The following NAALAD2 variants were observed in gnomAD, a reference collection of about 807,000 sequenced individuals.
NAALAD2 encodes the protein N-acetylated alpha-linked acidic dipeptidase 2, also known as N-acetylated-alpha-linked acidic dipeptidase 2.
In NAALAD2, 89 loss-of-function variants were observed where a neutral mutation model predicts 95.6. The ratio of observed to expected loss-of-function variants is 0.93; its 90% CI spans 0.78 to 1.11. NAALAD2 has a LOEUF of 1.11. NAALAD2 is among the 50% of genes least tolerant of loss of function. NAALAD2 has a pLI of 0.00. For missense variants in NAALAD2, 894 were observed against 872.4 expected (o/e 1.02, Z -0.31); for synonymous variants, 264 against 294.4 (o/e 0.90, Z 1.06).
At chr11:90,135,858 C>A (rs888021525) in intron 2 of NAALAD2, among the ~76,000 whole-genome samples, 188 bp downstream of exon 2, 2 of 151,206 alleles carry the variant, frequency 1.3e-5, no homozygotes, top group Non-Finnish European at 2.9e-5. Flanking sequence ...GGTCTTTCTT[C>A]CCTAACTTTA....
chr11:90,165,591 C>T (rs982989606), intron 11 of NAALAD2, among the ~76,000 whole-genome samples: 2 of 152,194 alleles, frequency 1.3e-5, no homozygotes. Flanking sequence ...AAAAATCCCA[C>T]TCACAATTAC....
rs935992782 is a variant in NAALAD2, at chr11:90,175,901, A to G, written c.1503-71A>G. The G allele has an allele frequency of 2.1e-5, 19 of 901,842 alleles. No individual in the cohort carries two copies. The African/African-American group carries it at 2.7e-4, about 13-fold the overall frequency. 55.9% of individuals were successfully genotyped at this position (901,842 alleles called of 1,614,324 possible). On this transcript the variant is annotated intron_variant, in intron 14 of 18. Transcript: ENST00000534061. ...TGGGGCAGGATTCCTTGTCCCATCT[A>G]TTTAACTTTGTATCATTTACTTGTT...
intron 18 of NAALAD2, among the ~76,000 whole-genome samples, chr11:90,188,731 AT>A (rs1857234339): frequency 6.6e-6 from 1 of 152,216 alleles, no homozygotes; most frequent in Non-Finnish European, 1.5e-5. Flanking sequence ...TGCAAACTTA[AT>A]TATTTTTGAG....
chr11:90,162,278 G>GT (rs1421510422), intron 8 of NAALAD2, among the ~76,000 whole-genome samples: 1 of 152,066 alleles, frequency 6.6e-6, no homozygotes, highest in African/African-American at 2.4e-5. Flanking sequence ...TCGGTTGATT[G>GT]TAACTCATGA....
intron 11 of NAALAD2, 98 bp from the exon 12 acceptor site, chr11:90,168,831 C>T (rs2134943140): frequency 2.1e-6 from 2 of 972,100 alleles, no homozygotes; most frequent in Non-Finnish European, 3.2e-6. Flanking sequence ...GTGAAAGATA[C>T]TTGTAAACCG....
intron 8 of NAALAD2, among the ~76,000 whole-genome samples, chr11:90,161,628 A>G (rs1015020484): frequency 3.3e-5 from 5 of 152,190 alleles, no homozygotes; most frequent in African/African-American, 1.2e-4. Flanking sequence ...CAAAAATACT[A>G]AAAACGAGAA....
upstream of NAALAD2, chr11:90,134,499 T>G (rs1182029194): frequency 4.1e-6 from 2 of 491,468 alleles, no homozygotes; most frequent in East Asian, 3.6e-5. Flanking sequence ...ACCTACTATG[T>G]CCGGGTTACT....
chr11:90,138,108 A>T (rs1176179427), intron 2 of NAALAD2, among the ~76,000 whole-genome samples: 1 of 152,204 alleles, frequency 6.6e-6, no homozygotes, highest in Non-Finnish European at 1.5e-5. Flanking sequence ...ATAGACAATT[A>T]ATATGTATTT....
In NAALAD2 at chr11:90,158,213, T is replaced by C; in HGVS notation, c.865T>C (p.Tyr289His). Residue 289 changes from tyrosine to histidine, a missense_variant, in exon 7 of 19, where the codon TAT becomes CAT. Tyr to His is a moderately conservative substitution (Grantham distance 83, BLOSUM62 2). Transcript: ENST00000534061. ...CCGAATACCTGTACATCCCATTGGATATAATGATGCAGAAATATTATTACG... is the reference window on the plus strand; with the variant it reads ...CCGAATACCTGTACATCCCATTGGACATAATGATGCAGAAATATTATTACG... Reference protein sequence around the residue: ...IPRIPVHPIGYNDAEILLRYL... With the variant: ...IPRIPVHPIGHNDAEILLRYL... 1.9e-6 allele frequency: 3 copies of C among 1,609,528 alleles called. No individual in the cohort carries two copies. In the South Asian group the frequency reaches 3.3e-5, roughly 18 times the overall value.
In NAALAD2 at chr11:90,163,571, G is replaced by A. The variant is rs1188614988; in HGVS notation, c.1232G>A (p.Trp411Ter). The change falls in exon 11 of 19, where the codon TGG becomes TAG. Residue 411 changes from tryptophan (W) to a stop codon, truncating the protein, a stop_gained. Transcript: ENST00000534061. LOFTEE classifies it high-confidence loss of function. ...RPRRTIIFASWDAEEFGLLGS... is the reference protein window; with the variant it reads ...RPRRTIIFAS ...AGAAGAACTATCATTTTTGCCAGCT[G>A]GGATGCAGAAGAATTTGGACTTCTG... 2 of 1,614,024 alleles carry A rather than the reference G, an allele frequency of 1.2e-6. No homozygotes were observed. Among genetic ancestry groups the A allele is most frequent in the Non-Finnish European group, 1.7e-6 (2 of 1,179,948 alleles).
chr11:90,135,063 G>T (rs1951420479), intron 1 of NAALAD2: 1 of 523,340 alleles, frequency 1.9e-6, no homozygotes, highest in Non-Finnish European at 3.4e-6. Context: ...TTTATTAAAT[G>T]TTCACTGAGT....
At position 90,152,451 on chromosome 11, in the gene NAALAD2, G is replaced by T; in HGVS notation, c.763G>T (p.Gly255Cys). 1 of 1,613,360 alleles carries T rather than the reference G, an allele frequency of 6.2e-7. No individual in the cohort carries two copies. The highest frequency in any genetic ancestry group is 8.5e-7 in the Non-Finnish European group (1 of 1,179,494). Residue 255 changes from glycine (G) to cysteine (C), a missense_variant, in exon 6 of 19, where the codon GGT becomes TGT. Physicochemically the swap from Gly to Cys is radical, Grantham distance 159 (BLOSUM62 -3). Transcript: ENST00000534061. ...RGNVLNLNGA[G>C]DPLTPGYPAK... ...AAATGTGTTAAATTTGAATGGTGCT[G>T]GTGACCCACTCACTCCAGGCTATCC... is the stretch of plus-strand genomic sequence containing the variant.
chr11:90,166,293 CTG>C (rs140797396), intron 11 of NAALAD2, among the ~76,000 whole-genome samples: 4 of 151,814 alleles, frequency 2.6e-5, no homozygotes, highest in African/African-American at 4.8e-5. Flanking sequence ...TAATCTGTGT[CTG>C]TGTGTGTGTG....
At chr11:90,167,947 GC>G (rs1952520698) in intron 11 of NAALAD2, among the ~76,000 whole-genome samples, 1 of 152,200 alleles carries the variant, frequency 6.6e-6, no homozygotes, top group African/African-American at 2.4e-5. Context: ...AAAGCAGGCT[GC>G]CGGAGCAGCA....
chr11:90,168,944 C>T lies in NAALAD2; in HGVS notation c.1294C>T (p.Leu432Phe). Reference sequence around the variant, plus strand: ...TCAACTACAGGAGAATGTCAAAATACTCCAGGAGAGAAGCATTGCTTATAT... The same window carrying T: ...TCAACTACAGGAGAATGTCAAAATATTCCAGGAGAGAAGCATTGCTTATAT... The part of the protein sequence containing the change: ...TEWAEENVKI[L>F]QERSIAYINS... Residue 432 changes from leucine to phenylalanine, a missense_variant, in exon 12 of 19, where the codon CTC becomes TTC. Leu to Phe is a conservative substitution (Grantham distance 22). Transcript: ENST00000534061. 1.9e-6 allele frequency: 3 copies of T among 1,608,420 alleles called. No individual in the cohort carries two copies. The highest frequency in any genetic ancestry group is 2.5e-6 in the Non-Finnish European group (3 of 1,177,640).
chr11:90,189,717 C>T (rs1450632657), intron 18 of NAALAD2, among the ~76,000 whole-genome samples: 3 of 151,180 alleles, frequency 2.0e-5, no homozygotes, highest in South Asian at 2.1e-4. Flanking sequence ...TGCAGTGAGC[C>T]GAGATCATGC....
In NAALAD2 at chr11:90,145,910, A is replaced by G. The variant is rs145180209; in HGVS notation, c.195-1420A>G. On this transcript the variant is annotated intron_variant, in intron 2 of 18. Transcript: ENST00000534061. ...AAAGACAGAAGACAGGACCTAACCT[A>G]AAAGTGCTTTAGATGCCATGTTGGA... is the stretch of plus-strand genomic sequence containing the variant. Among the ~76,000 whole-genome samples the G allele has an allele frequency of 6.3e-3, 953 of 152,318 alleles. 12 individuals carry two copies. The highest frequency in any genetic ancestry group is 0.022 in the African/African-American group (894 of 41,572).
chr11:90,143,611 C>T lies in NAALAD2; in HGVS notation c.195-3719C>T, dbSNP rs77970810. Among the ~76,000 whole-genome samples, 377 of 152,202 alleles carry T rather than the reference C, an allele frequency of 2.5e-3. 1 individual carries two copies. The highest frequency in any genetic ancestry group is 8.3e-3 in the African/African-American group (343 of 41,554). ...TATTAATTTAGAAAGGTCTTGTTTA[C>T]TATTTCTTAAAATATCTTTCTGTAC... On this transcript the variant is annotated intron_variant, in intron 2 of 18. Coordinates refer to ENST00000534061, the MANE Select transcript of NAALAD2 (RefSeq NM_005467.4).
At chr11:90,134,660 C>T (rs2134807843), upstream of NAALAD2, 1 of 1,223,182 alleles carries the variant, frequency 8.2e-7, no homozygotes, top group Non-Finnish European at 1.2e-6. Flanking sequence ...GCGGAGGCCA[C>T]CCAGAGCTCA....
Sources: gnomAD v4.1 joint callset for allele counts (sites outside exome capture counted in the v4.1 genomes callset) on GRCh38, gnomAD v4.1.1 for gene constraint, MANE v1.5 for transcripts, NCBI Gene and HGNC (gene_info 2026-07-23, HGNC 2026-07-21) for gene names.